MEGF11: variants seen among roughly 807,000 people sequenced by gnomAD.
MEGF11 encodes multiple EGF like domains 11.
MEGF11 carries 126 observed loss-of-function variants against 146.6 expected under a neutral mutation model. The observed-to-expected ratio is 0.86, with a 90% confidence interval of 0.74 to 1.00. MEGF11 has a LOEUF of 1.00. Among genes scored for constraint, MEGF11 ranks in the 50% least tolerant of loss-of-function variants. The probability of loss-of-function intolerance (pLI) is 0.00; values close to 1 mark genes in which losing one functional copy is unlikely to be tolerated. For missense variants in MEGF11, 1,509 were observed against 1,521.2 expected (o/e 0.99, Z 0.13); for synonymous variants, 532 against 583.4 (o/e 0.91, Z 1.27).
At chr15:66,229,813 G>C (rs554299349) in intron 1 of MEGF11, among the ~76,000 whole-genome samples, 237 of 152,290 alleles carry the variant, frequency 1.6e-3, no homozygotes, top group African/African-American at 5.5e-3. Flanking sequence ...GGCCAAGATG[G>C]GAAACTGGAA....
chr15:65,932,299 C>G (rs544470373), intron 10 of MEGF11, among the ~76,000 whole-genome samples: 1 of 152,192 alleles, frequency 6.6e-6, no homozygotes, highest in South Asian at 2.1e-4. Context: ...GGTGAGTTGG[C>G]TAACTTGGAG....
rs1289383101 is a variant in MEGF11, at chr15:65,964,940, C to A, written c.1080G>T (p.Leu360=). Residue 360 remains leucine, a synonymous_variant, in exon 9 of 26, where the codon CTG becomes CTT. Coordinates refer to ENST00000395614, the MANE Select transcript of MEGF11 (RefSeq NM_001385028.1). ...PEGLHGPGCT[L]PCPCDADNTI... Reference sequence around the variant, plus strand: ...TGTTGTCAGCGTCACAGGGGCAGGGCAGGGTGCAGCCTGGGCCATGCAGGC... The same window carrying A: ...TGTTGTCAGCGTCACAGGGGCAGGGAAGGGTGCAGCCTGGGCCATGCAGGC... The A allele has an allele frequency of 6.4e-7, 1 of 1,573,650 alleles. No homozygotes were observed. The highest frequency in any genetic ancestry group is 1.2e-5 in the South Asian group (1 of 85,680).
chr15:66,097,244 G>A (rs1349700511), intron 4 of MEGF11, among the ~76,000 whole-genome samples: 3 of 152,224 alleles, frequency 2.0e-5, no homozygotes, highest in Non-Finnish European at 4.4e-5. Flanking sequence ...GGGCCACCGC[G>A]TGTTTGGACA....
chr15:66,035,136 T>C (rs571624046), intron 5 of MEGF11, among the ~76,000 whole-genome samples: 1 of 152,352 alleles, frequency 6.6e-6, no homozygotes, highest in Admixed American at 6.5e-5. Context: ...AGGGGGTTGT[T>C]GTGTAGTTTA....
At chr15:66,119,639 C>A (rs74021622) in intron 3 of MEGF11, among the ~76,000 whole-genome samples, 1 of 152,118 alleles carries the variant, frequency 6.6e-6, no homozygotes, top group Admixed American at 6.5e-5. Flanking sequence ...TTGGTCCCCC[C>A]ACTTGAAGAA....
chr15:66,149,949 C>T (rs1044341491), intron 1 of MEGF11, among the ~76,000 whole-genome samples: 16 of 152,250 alleles, frequency 1.1e-4, no homozygotes, highest in South Asian at 2.1e-4. Context: ...CCTAGAAGAA[C>T]GCCCATCCCA....
At chr15:65,915,905 A>G (rs1442664162) in intron 18 of MEGF11, among the ~76,000 whole-genome samples, 2 of 152,072 alleles carry the variant, frequency 1.3e-5, no homozygotes, top group Non-Finnish European at 2.9e-5. Context: ...CCTGCCTCCC[A>G]CTATTCTCTC....
At chr15:66,139,208 G>A (rs1317957005) in intron 1 of MEGF11, among the ~76,000 whole-genome samples, 1 of 152,162 alleles carries the variant, frequency 6.6e-6, no homozygotes, top group Admixed American at 6.5e-5. Context: ...GGAGCAAGAA[G>A]CTCACCCACC....
rs143379935 is a variant in MEGF11 at position 65,980,890 on chromosome 15, T to G, written c.650A>C (p.Glu217Ala). The G allele has an allele frequency of 3.7e-5, 58 of 1,582,656 alleles. No individual in the cohort carries two copies. The African/African-American group carries it at 5.8e-4, about 16-fold the overall frequency. The change falls in exon 7 of 26, where the codon GAG (glutamate) becomes GCG (alanine). Residue 217 changes from glutamate to alanine, a missense_variant. Physicochemically the swap from Glu to Ala is moderately radical, Grantham distance 107. Transcript: ENST00000395614. ...APGYTGVYCE[E>A]LCPPGSHGAH... is the part of the protein sequence containing the mutation. ...TCCATGGCTCCCAGGAGGGCACAGC[T>G]CCTCGCAGCTGCATGGAGAAGCAGA... is the stretch of plus-strand genomic sequence containing the variant.
At chr15:66,000,553 C>G (rs1472089784) in intron 5 of MEGF11, among the ~76,000 whole-genome samples, 1 of 151,336 alleles carries the variant, frequency 6.6e-6, no homozygotes, top group Non-Finnish European at 1.5e-5. Flanking sequence ...AAAGCAAAAG[C>G]ACCAGCTTCA....
chr15:65,917,844 C>A, intron 16 of MEGF11, 122 bp downstream of exon 16: 12 of 1,156,558 alleles, frequency 1.0e-5, no homozygotes, highest in Non-Finnish European at 1.5e-5. Flanking sequence ...CTCATTCCTA[C>A]ATGCAGAAGG....
intron 5 of MEGF11, among the ~76,000 whole-genome samples, chr15:66,020,220 C>A (rs1860977478): frequency 6.6e-6 from 1 of 152,228 alleles, no homozygotes; most frequent in South Asian, 2.1e-4. Flanking sequence ...CAATGGGATT[C>A]AATCCTGGGA....
Position 66,128,413 on chromosome 15 carries a change from TG to T in MEGF11, c.-8-3del. The stretch of plus-strand genomic sequence containing the variant: ...TCAGGGAGAGCACCATCCCGGGCCC[TG>T]CACAGGAGAACAAAGGAGGCTGCGT... On this transcript the variant is annotated splice_polypyrimidine_tract_variant and splice_region_variant and intron_variant, in intron 1 of 25. Coordinates refer to ENST00000395614, the MANE Select transcript of MEGF11 (RefSeq NM_001385028.1). The T allele has an allele frequency of 6.9e-7, 1 of 1,449,846 alleles. No individual in the cohort carries two copies. Among genetic ancestry groups the T allele is most frequent in the Non-Finnish European group, 9.1e-7 (1 of 1,097,120 alleles). The allele number at this position is 1,449,846 out of a possible 1,614,324, so 89.8% of individuals were successfully genotyped here. A position where few individuals can be genotyped will look rare whatever the true frequency, so the allele number is the denominator to read the frequency against.
At chr15:66,141,795 G>A (rs568843267) in intron 1 of MEGF11, among the ~76,000 whole-genome samples, 43 of 152,262 alleles carry the variant, frequency 2.8e-4, no homozygotes, top group Admixed American at 3.9e-4. Flanking sequence ...ACAATATCCT[G>A]TGTGTATTTC....
At chr15:65,898,418 A>T (rs2078404323) in intron 25 of MEGF11, 1 of 985,306 alleles carries the variant, frequency 1.0e-6, no homozygotes, top group African/African-American at 1.7e-5. Context: ...TTTCTTTTTT[A>T]AAATGAGATT....
Position 65,982,394 on chromosome 15 carries a change from G to A in MEGF11, c.489C>T (p.Cys163=). 6.5e-7 allele frequency: 1 copy of A among 1,531,492 alleles called. No homozygotes were observed. The highest frequency in any genetic ancestry group is 8.8e-7 in the Non-Finnish European group (1 of 1,141,292). 94.9% of individuals were successfully genotyped at this position (1,531,492 alleles called of 1,614,324 possible). A position where few individuals can be genotyped will look rare whatever the true frequency, so the allele number is the denominator to read the frequency against. ...LCNPITGACV[C]AAGFRGWRCE... is the part of the protein sequence containing the mutation. ...AGCGCCATCCACGGAAGCCGGCGGC[G>A]CACACGCAGGCGCCTGTGATGGGGT... The change falls in exon 6 of 26, where the codon TGC becomes TGT. Residue 163 remains cysteine, a synonymous_variant. Transcript: ENST00000395614. The surrounding 1 kb of genome is among the most constrained non-coding windows in gnomAD (Gnocchi z 5.6).
chr15:66,197,836 G>T (rs1318051258), intron 1 of MEGF11, among the ~76,000 whole-genome samples: 1 of 152,100 alleles, frequency 6.6e-6, no homozygotes, highest in East Asian at 1.9e-4. Flanking sequence ...TTCCAATAAG[G>T]ACCTCTTTAA....
intron 5 of MEGF11, among the ~76,000 whole-genome samples, chr15:66,071,906 A>G (rs1040744566): frequency 3.9e-5 from 6 of 152,210 alleles, no homozygotes; most frequent in Non-Finnish European, 8.8e-5. Flanking sequence ...GTGCCCACCC[A>G]GCATCAGCAT....
intron 1 of MEGF11, among the ~76,000 whole-genome samples, chr15:66,227,033 G>A (rs117825842): frequency 1.7e-3 from 265 of 152,282 alleles, no homozygotes; most frequent in Non-Finnish European, 3.0e-3. Flanking sequence ...GGTGTGAGGC[G>A]TGGAAACAGG....
Sources: gnomAD v4.1 joint callset for allele counts (sites outside exome capture counted in the v4.1 genomes callset) on GRCh38, gnomAD v4.1.1 for gene constraint, Gnocchi (gnomAD v3.1) non-coding constraint, MANE v1.5 for transcripts, NCBI Gene and HGNC (gene_info 2026-07-23, HGNC 2026-07-21) for gene names.